TMEM232: variants seen among roughly 807,000 people sequenced by gnomAD.
TMEM232 encodes transmembrane protein 232.
TMEM232 carries 80 observed loss-of-function variants against 78.8 expected under a neutral mutation model. That is an observed-to-expected ratio of 1.01 (90% CI 0.85 to 1.22). The LOEUF (loss-of-function observed/expected upper bound fraction) is 1.22, where lower values mean the gene tolerates loss of function less well. Ranked by LOEUF, TMEM232 falls within the 50% of genes most tolerant of loss-of-function variation. The pLI, the probability that TMEM232 is intolerant of heterozygous loss-of-function variation, is 0.00. For synonymous variants in TMEM232, 297 were observed against 254.3 expected, an observed-to-expected ratio of 1.17 and a Z score of -1.60; for missense variants, 881 against 742.2, an observed-to-expected ratio of 1.19 and a Z score of -2.17.
intron 5 of TMEM232, among the ~76,000 whole-genome samples, chr5:110,632,533 G>C (rs924764954): frequency 6.6e-6 from 1 of 151,956 alleles, no homozygotes; most frequent in Non-Finnish European, 1.5e-5. Flanking sequence ...ATATGAATGA[G>C]AAATTTATCA....
At chr5:110,403,034 AAAAAG>A (rs1156419804) in intron 2 of TMEM232, among the ~76,000 whole-genome samples, 11 of 152,108 alleles carry the variant, frequency 7.2e-5, no homozygotes, top group Admixed American at 1.3e-4. Context: ...AAACAAAAAG[AAAAAG>A]AAAAGAAGAC....
intron 12 of TMEM232, among the ~76,000 whole-genome samples, chr5:110,481,695 G>T (rs188293494): frequency 2.1e-4 from 32 of 152,162 alleles, no homozygotes; most frequent in Non-Finnish European, 4.1e-4. Context: ...TTCAGAACAT[G>T]GGAAAGCACT....
intron 10 of TMEM232, among the ~76,000 whole-genome samples, chr5:110,571,321 G>C (rs1224028421): frequency 1.3e-5 from 2 of 152,050 alleles, no homozygotes; most frequent in Non-Finnish European, 2.9e-5. Flanking sequence ...GAAGTAGGTA[G>C]AGAGAACAAC....
Position 110,505,256 on chromosome 5 carries a change from G to A in TMEM232, c.1703+23332C>T, listed in dbSNP as rs147924905. 7.2e-5 allele frequency among the ~76,000 whole-genome samples: 11 copies of A among 152,238 alleles called. No individual in the cohort carries two copies. The East Asian group carries it at 7.8e-4, about 11-fold the overall frequency. On this transcript the variant is annotated intron_variant, in intron 12 of 13. Transcript: ENST00000455884. ...ACCAAAGGGCTCCTATGGCTCTTCC[G>A]TGGGAATGACTCTTTAACTGGTGAT...
At chr5:110,735,496 T>C (rs1227795126) in intron 1 of TMEM232, among the ~76,000 whole-genome samples, 1 of 152,214 alleles carries the variant, frequency 6.6e-6, no homozygotes, top group African/African-American at 2.4e-5. Context: ...TTAGTTTTGG[T>C]GCCTAATAAT....
At chr5:110,676,240 G>T (rs529075840) in intron 1 of TMEM232, among the ~76,000 whole-genome samples, 4 of 152,282 alleles carry the variant, frequency 2.6e-5, no homozygotes, top group East Asian at 3.9e-4. Flanking sequence ...TGGGAGTGCA[G>T]ATGTCTCTTT....
chr5:110,539,165 C>G (rs1772784335), intron 11 of TMEM232, among the ~76,000 whole-genome samples: 1 of 152,146 alleles, frequency 6.6e-6, no homozygotes, highest in Non-Finnish European at 1.5e-5. Flanking sequence ...CTAGGGAAGC[C>G]TAAAATAGCA....
intron 1 of TMEM232, among the ~76,000 whole-genome samples, chr5:110,719,846 G>C (rs1013652604): frequency 6.6e-6 from 1 of 151,950 alleles, no homozygotes; most frequent in Non-Finnish European, 1.5e-5. Flanking sequence ...TTACATGCCA[G>C]CCCATTAGCC....
chr5:110,513,617 A>C (rs1179267267), intron 12 of TMEM232, among the ~76,000 whole-genome samples: 2 of 152,154 alleles, frequency 1.3e-5, no homozygotes, highest in African/African-American at 2.4e-5. Context: ...TCATCAGGGA[A>C]ATGCAAATCA....
chr5:110,510,506 C>T (rs2149469142), intron 12 of TMEM232, among the ~76,000 whole-genome samples: 1 of 152,208 alleles, frequency 6.6e-6, no homozygotes, highest in East Asian at 1.9e-4. Flanking sequence ...TTTCTATTGC[C>T]ACTAATCTAG....
chr5:110,514,128 GAC>G lies in TMEM232; in HGVS notation c.1703+14458_1703+14459del, dbSNP rs374438620. ...TTATTTCTGTGCAGCTAACAACTGT[GAC>G]CAGCAATGCTGACAATCAACATTTT... On this transcript the variant is annotated intron_variant, in intron 12 of 13. Transcript: ENST00000455884. Among the ~76,000 whole-genome samples, 41 of 152,198 alleles carry G rather than the reference GAC, an allele frequency of 2.7e-4. No homozygotes were observed. The East Asian group carries it at 7.0e-3, about 26-fold the overall frequency.
intron 11 of TMEM232, among the ~76,000 whole-genome samples, chr5:110,543,306 T>C (rs1033361788): frequency 2.6e-5 from 4 of 152,198 alleles, no homozygotes; most frequent in African/African-American, 9.6e-5. Flanking sequence ...GATTCTCTTG[T>C]GGGGAGCCCA....
At chr5:110,638,691 T>C (rs904156998) in intron 4 of TMEM232, among the ~76,000 whole-genome samples, 10 of 152,068 alleles carry the variant, frequency 6.6e-5, no homozygotes, top group African/African-American at 2.4e-4. Context: ...AGCTGCCATG[T>C]AGGAAGTTCA....
chr5:110,455,027 A>C (rs1350197286), intron 12 of TMEM232, among the ~76,000 whole-genome samples: 1 of 152,182 alleles, frequency 6.6e-6, no homozygotes, highest in Non-Finnish European at 1.5e-5. Context: ...CATCATAATA[A>C]AATATTACAA....
At chr5:110,506,934 A>T (rs1213442217) in intron 12 of TMEM232, among the ~76,000 whole-genome samples, 2 of 151,906 alleles carry the variant, frequency 1.3e-5, no homozygotes, top group East Asian at 3.9e-4. Flanking sequence ...CCAAATTACC[A>T]CTCTCTTGGG....
At chr5:110,390,380 G>A (rs1219903313) in intron 4 of TMEM232, 1 of 152,160 alleles carries the variant, frequency 6.6e-6, no homozygotes. Flanking sequence ...ACAATATAAA[G>A]TGACCCTTTA....
intron 12 of TMEM232, among the ~76,000 whole-genome samples, chr5:110,506,266 G>C (rs1033666875): frequency 3.3e-5 from 5 of 151,856 alleles, no homozygotes; most frequent in African/African-American, 1.2e-4. Flanking sequence ...TTGTTTTAGG[G>C]GGTTGTTTTT....
chr5:110,490,191 A>AAGAAAGAAAG (rs1218732258), intron 12 of TMEM232, among the ~76,000 whole-genome samples: 1 of 149,208 alleles, frequency 6.7e-6, no homozygotes, highest in Non-Finnish European at 1.5e-5. Context: ...GAAAGAAAGA[A>AAGAAAGAAAG]AAAGTTAATT....
intron 12 of TMEM232, among the ~76,000 whole-genome samples, chr5:110,425,842 T>G (rs1333937024): frequency 1.3e-5 from 2 of 152,098 alleles, no homozygotes; most frequent in African/African-American, 4.8e-5. Context: ...AGAATTGTTT[T>G]CAAAATACAA....
Sources: gnomAD v4.1 joint callset for allele counts (sites outside exome capture counted in the v4.1 genomes callset) on GRCh38, gnomAD v4.1.1 for gene constraint, MANE v1.5 for transcripts, NCBI Gene and HGNC (gene_info 2026-07-23, HGNC 2026-07-21) for gene names.